Variants in MBOAT2 observed in about 807,000 individuals in gnomAD.
MBOAT2 encodes membrane bound glycerophospholipid O-acyltransferase 2, also known as membrane-bound glycerophospholipid O-acyltransferase 2.
MBOAT2 carries 28 observed loss-of-function variants against 63.4 expected under a neutral mutation model. The ratio of observed to expected loss-of-function variants is 0.44; its 90% CI spans 0.33 to 0.61. MBOAT2 has a LOEUF of 0.61. MBOAT2 is among the 20% of genes least tolerant of loss of function. The probability of loss-of-function intolerance (pLI) is 0.03; values close to 1 mark genes in which losing one functional copy is unlikely to be tolerated. For synonymous variants in MBOAT2, 211 were observed against 215.6 expected, an observed-to-expected ratio of 0.98 and a Z score of 0.19; for missense variants, 470 against 605.8, an observed-to-expected ratio of 0.78 and a Z score of 2.35.
At chr2:8,965,172 A>G (rs1015045443) in intron 1 of MBOAT2, among the ~76,000 whole-genome samples, 2 of 152,198 alleles carry the variant, frequency 1.3e-5, no homozygotes, top group African/African-American at 4.8e-5. Context: ...AACAGAAAAT[A>G]GTTCAAGTGT....
intron 1 of MBOAT2, among the ~76,000 whole-genome samples, chr2:8,994,517 C>T (rs1419478856): frequency 6.6e-6 from 1 of 152,274 alleles, no homozygotes; most frequent in African/African-American, 2.4e-5. Context: ...TAGTCCAGAG[C>T]AAAGGAGAGA....
intron 6 of MBOAT2, among the ~76,000 whole-genome samples, chr2:8,878,471 A>T (rs1662862093): frequency 6.6e-6 from 1 of 152,172 alleles, no homozygotes; most frequent in Non-Finnish European, 1.5e-5. Flanking sequence ...TCCTTAAAAA[A>T]TACAAACACT....
Position 8,889,095 on chromosome 2 carries a change from C to T in MBOAT2, c.396-1022G>A, listed in dbSNP as rs778043325. Reference sequence around the variant, plus strand: ...GGAATCCTGAGGACAGTGTGGCGCACGCAGCATCACCCCATGCACTGCCAA... The same window carrying T: ...GGAATCCTGAGGACAGTGTGGCGCATGCAGCATCACCCCATGCACTGCCAA... On this transcript the variant is annotated intron_variant, in intron 4 of 12. Transcript: ENST00000305997. Among the ~76,000 whole-genome samples the T allele has an allele frequency of 7.2e-5, 11 of 152,232 alleles. No homozygotes were observed. The East Asian group carries it at 1.7e-3, about 24-fold the overall frequency.
chr2:8,928,105 G>A (rs1349353105), intron 3 of MBOAT2, among the ~76,000 whole-genome samples: 2 of 152,272 alleles, frequency 1.3e-5, no homozygotes, highest in Non-Finnish European at 2.9e-5. Context: ...ACGACTGTGA[G>A]AACAGTATCA....
rs1669400048 is a variant in MBOAT2 at position 8,958,662 on chromosome 2, T to A, written c.76-20A>T. On this transcript the variant is annotated intron_variant, in intron 1 of 12. Transcript: ENST00000305997. Reference sequence around the variant, plus strand: ...GTTGACCTGTAAAGAAAAATTAAAATTTTGTATTAGCAACACAGACCTGAA... The same window carrying A: ...GTTGACCTGTAAAGAAAAATTAAAAATTTGTATTAGCAACACAGACCTGAA... The A allele has an allele frequency of 6.5e-7, 1 of 1,544,346 alleles. No homozygotes were observed. The highest frequency in any genetic ancestry group is 1.4e-5 in the African/African-American group (1 of 71,908).
intron 8 of MBOAT2, among the ~76,000 whole-genome samples, chr2:8,869,951 T>C (rs920610145): frequency 1.3e-5 from 2 of 152,074 alleles, no homozygotes; most frequent in Non-Finnish European, 2.9e-5. Flanking sequence ...CAGGGTATGG[T>C]CAACAGCAAC....
At chr2:8,964,332 A>G (rs1669838144) in intron 1 of MBOAT2, among the ~76,000 whole-genome samples, 1 of 152,098 alleles carries the variant, frequency 6.6e-6, no homozygotes, top group Non-Finnish European at 1.5e-5. Flanking sequence ...TTTTTCACTT[A>G]ATATTACATT....
intron 4 of MBOAT2, among the ~76,000 whole-genome samples, chr2:8,905,154 A>G (rs1292924380): frequency 6.6e-6 from 1 of 152,190 alleles, no homozygotes; most frequent in African/African-American, 2.4e-5. Context: ...ACCAAGAGTG[A>G]GTCACTATCC....
intron 4 of MBOAT2, among the ~76,000 whole-genome samples, chr2:8,901,779 G>A (rs1028467333): frequency 1.3e-5 from 2 of 152,160 alleles, no homozygotes; most frequent in Non-Finnish European, 2.9e-5. Flanking sequence ...GCCTAAAGAA[G>A]GTAACAGAGT....
In MBOAT2 at chr2:8,852,932, A is replaced by C. The variant is rs1208548734; in HGVS notation, c.*5747T>G. On this transcript the variant is annotated 3_prime_UTR_variant, in exon 13 of 13. Transcript: ENST00000305997. Reference sequence around the variant, plus strand: ...ATTTATGAATCTGTTGAAAAATAACACTTCTTTAAAAAAATATTTTGGAAT... The same window carrying C: ...ATTTATGAATCTGTTGAAAAATAACCCTTCTTTAAAAAAATATTTTGGAAT... 6.6e-6 allele frequency: 1 copy of C among 152,214 alleles called. No individual in the cohort carries two copies. Among genetic ancestry groups the C allele is most frequent in the Non-Finnish European group, 1.5e-5 (1 of 68,046 alleles). 9.4% of individuals were successfully genotyped at this position (152,214 alleles called of 1,614,324 possible). A position where few individuals can be genotyped will look rare whatever the true frequency, so the allele number is the denominator to read the frequency against.
chr2:8,991,089 C>T (rs539387720), intron 1 of MBOAT2, among the ~76,000 whole-genome samples: 1 of 152,238 alleles, frequency 6.6e-6, no homozygotes, highest in South Asian at 2.1e-4. Context: ...TTAGAAAAGG[C>T]ATGCTGACAC....
chr2:8,953,048 G>C (rs552613362), intron 2 of MBOAT2, among the ~76,000 whole-genome samples: 1 of 152,224 alleles, frequency 6.6e-6, no homozygotes, highest in Admixed American at 6.5e-5. Context: ...TCTAATGTGT[G>C]GCTGCTTTAC....
intron 3 of MBOAT2, among the ~76,000 whole-genome samples, chr2:8,928,172 C>T (rs542973754): frequency 6.6e-6 from 1 of 152,276 alleles, no homozygotes; most frequent in South Asian, 2.1e-4. Context: ...CATCTCCCAC[C>T]AGGCCCCACC....
chr2:8,946,472 C>A (rs1471510412), intron 2 of MBOAT2, among the ~76,000 whole-genome samples: 2 of 152,136 alleles, frequency 1.3e-5, no homozygotes. Flanking sequence ...CAGTTACAGG[C>A]ATGACTTGTT....
At chr2:8,950,591 C>T (rs922651974) in intron 2 of MBOAT2, among the ~76,000 whole-genome samples, 2 of 152,136 alleles carry the variant, frequency 1.3e-5, no homozygotes, top group Non-Finnish European at 2.9e-5. Flanking sequence ...CCATGCCTGG[C>T]TAATTTTTTG....
intron 9 of MBOAT2, 67 bp from the exon 10 acceptor site, chr2:8,864,301 TATTATGC>T: frequency 1.1e-6 from 1 of 899,444 alleles, no homozygotes; most frequent in Non-Finnish European, 1.6e-6. Flanking sequence ...AATAATATAT[TATTATGC>T]TAAAAAATAA....
chr2:8,986,962 T>C (rs879482096), intron 1 of MBOAT2, among the ~76,000 whole-genome samples: 3 of 152,236 alleles, frequency 2.0e-5, no homozygotes, highest in Non-Finnish European at 4.4e-5. Context: ...TAAATTTCTG[T>C]TGTTTAATCC....
At chr2:8,946,011 C>T (rs773876353) in intron 2 of MBOAT2, among the ~76,000 whole-genome samples, 3 of 152,166 alleles carry the variant, frequency 2.0e-5, no homozygotes, top group Non-Finnish European at 4.4e-5. Context: ...AAATAGATTA[C>T]TTCAATACTG....
At chr2:8,918,556 T>C (rs1388125596) in intron 3 of MBOAT2, among the ~76,000 whole-genome samples, 2 of 151,980 alleles carry the variant, frequency 1.3e-5, no homozygotes, top group African/African-American at 4.8e-5. Context: ...GTTTGTTTAA[T>C]AAAAAGAAAA....
Sources: gnomAD v4.1 joint callset for allele counts (sites outside exome capture counted in the v4.1 genomes callset) on GRCh38, gnomAD v4.1.1 for gene constraint, MANE v1.5 for transcripts, NCBI Gene and HGNC (gene_info 2026-07-23, HGNC 2026-07-21) for gene names.